The following ERC1 variants were observed in gnomAD, a reference collection of about 807,000 sequenced individuals.
ERC1 encodes the protein RAB6 interacting protein 2.
A neutral mutation model predicts 132.0 loss-of-function variants in ERC1; 56 were observed. The observed-to-expected ratio is 0.42, with a 90% confidence interval of 0.34 to 0.53. The LOEUF is 0.53. ERC1 is among the 20% of genes least tolerant of loss of function. ERC1 has a pLI of 0.03. For synonymous variants in ERC1, 478 were observed against 476.1 expected (o/e 1.00, Z -0.05); for missense variants, 1,202 against 1,349.9 (o/e 0.89, Z 1.72).
chr12:1,309,941 G>C (rs778050782), intron 15 of ERC1, among the ~76,000 whole-genome samples: 1 of 148,732 alleles, frequency 6.7e-6, no homozygotes, highest in Non-Finnish European at 1.5e-5. Flanking sequence ...CTTTTGTTTT[G>C]TTTTGTTTTG....
chr12:1,045,487 T>C (rs999669855), intron 2 of ERC1, among the ~76,000 whole-genome samples: 3 of 152,140 alleles, frequency 2.0e-5, no homozygotes, highest in Non-Finnish European at 4.4e-5. Context: ...TAGATGCTAG[T>C]AATTATTATA....
intron 3 of ERC1, among the ~76,000 whole-genome samples, chr12:1,094,637 C>G (rs1013501417): frequency 6.6e-6 from 1 of 152,120 alleles, no homozygotes; most frequent in East Asian, 1.9e-4. Context: ...TCTCGAACTC[C>G]TGACCTCAAG....
intron 15 of ERC1, among the ~76,000 whole-genome samples, chr12:1,299,829 C>T (rs994958168): frequency 1.3e-5 from 2 of 151,870 alleles, no homozygotes; most frequent in Admixed American, 6.6e-5. Flanking sequence ...TCTAAAGACA[C>T]GTAAAAAGAT....
intron 17 of ERC1, among the ~76,000 whole-genome samples, chr12:1,437,714 C>T (rs933049653): frequency 1.3e-5 from 2 of 152,168 alleles, no homozygotes; most frequent in Non-Finnish European, 2.9e-5. Context: ...GCTTTGAGGA[C>T]ATAATGTTTT....
At chr12:1,391,923 C>T (rs1473262173) in intron 16 of ERC1, among the ~76,000 whole-genome samples, 1 of 152,204 alleles carries the variant, frequency 6.6e-6, no homozygotes, top group African/African-American at 2.4e-5. Context: ...CTGCAGGTCA[C>T]AGCACTCCTG....
intron 18 of ERC1, among the ~76,000 whole-genome samples, chr12:1,453,550 AG>A (rs2093469175): frequency 6.6e-6 from 1 of 152,226 alleles, no homozygotes; most frequent in Non-Finnish European, 1.5e-5. Flanking sequence ...GATTGAAGAA[AG>A]CAATCTTAAA....
chr12:1,247,254 AGAAAGGACATTGGTGGAAAAACAAT>A lies in ERC1; in HGVS notation c.2487+10381_2487+10405del, dbSNP rs754062062. Among the ~76,000 whole-genome samples, 406 of 152,334 alleles carry A rather than the reference AGAAAGGACATTGGTGGAAAAACAAT, an allele frequency of 2.7e-3. 1 individual carries two copies. Among genetic ancestry groups the A allele is most frequent in the Middle Eastern group, 3.4e-3 (1 of 294 alleles). The stretch of plus-strand genomic sequence containing the variant: ...AAAAAAAGAAAAAAAAAATCCGGAA[AGAAAGGACATTGGTGGAAAAACAAT>A]GAAAGGACATTGGTGGAAAAACAAT... On this transcript the variant is annotated intron_variant, in intron 13 of 18. Transcript: ENST00000360905.
At chr12:1,129,901 T>C (rs1948592748) in intron 7 of ERC1, among the ~76,000 whole-genome samples, 1 of 151,942 alleles carries the variant, frequency 6.6e-6, no homozygotes, top group Admixed American at 6.6e-5. Flanking sequence ...ATCAATATAA[T>C]AGTATGGCAT....
chr12:1,067,186 A>T (rs1296499196), intron 2 of ERC1, among the ~76,000 whole-genome samples: 1 of 152,206 alleles, frequency 6.6e-6, no homozygotes, highest in Non-Finnish European at 1.5e-5. Context: ...TTTAATGAAA[A>T]AAGATTGGCA....
At chr12:1,091,186 G>T (rs1021478446) in intron 3 of ERC1, among the ~76,000 whole-genome samples, 6 of 152,130 alleles carry the variant, frequency 3.9e-5, no homozygotes, top group East Asian at 1.9e-4. Flanking sequence ...ACTGCACCCA[G>T]CCCCATTTTT....
intron 2 of ERC1, among the ~76,000 whole-genome samples, chr12:1,082,950 T>C (rs890929250): frequency 6.6e-6 from 1 of 152,228 alleles, no homozygotes; most frequent in African/African-American, 2.4e-5. Flanking sequence ...GCCATACTTA[T>C]TTTGCTTCCT....
chr12:1,220,740 A>G (rs1958899412), intron 12 of ERC1, among the ~76,000 whole-genome samples: 1 of 152,210 alleles, frequency 6.6e-6, no homozygotes, highest in African/African-American at 2.4e-5. Flanking sequence ...CAGATTTTAC[A>G]TGATTCACAA....
intron 15 of ERC1, among the ~76,000 whole-genome samples, chr12:1,339,038 C>G (rs576803234): frequency 3.9e-5 from 6 of 152,372 alleles, no homozygotes; most frequent in African/African-American, 1.4e-4. Flanking sequence ...ATGCCAGCAA[C>G]AGCAGCAGCG....
At chr12:1,393,141 G>A (rs1044548379) in intron 16 of ERC1, among the ~76,000 whole-genome samples, 1 of 152,154 alleles carries the variant, frequency 6.6e-6, no homozygotes, top group Non-Finnish European at 1.5e-5. Context: ...TGTATAGTTG[G>A]TTTATGTTTT....
At chr12:1,029,016 C>T (rs997836805) in intron 2 of ERC1, among the ~76,000 whole-genome samples, 2 of 152,076 alleles carry the variant, frequency 1.3e-5, no homozygotes, top group Admixed American at 6.6e-5. Context: ...ATGACTATCA[C>T]AGGATAAGTC....
chr12:1,457,322 TAAAAC>T (rs1367163257), intron 18 of ERC1, among the ~76,000 whole-genome samples: 3 of 152,102 alleles, frequency 2.0e-5, no homozygotes, highest in African/African-American at 7.2e-5. Context: ...CCCACGATAT[TAAAAC>T]AGAAACAGAA....
chr12:1,189,223 T>C (rs1260585205), intron 11 of ERC1, among the ~76,000 whole-genome samples: 3 of 152,162 alleles, frequency 2.0e-5, no homozygotes, highest in Admixed American at 6.5e-5. Context: ...TTAAGTGTGG[T>C]TCTCGATTTC....
chr12:1,239,551 C>T (rs1358463429), intron 13 of ERC1, among the ~76,000 whole-genome samples: 1 of 152,062 alleles, frequency 6.6e-6, no homozygotes, highest in Non-Finnish European at 1.5e-5. Flanking sequence ...GACCCTGCCT[C>T]TAAAAAAATT....
chr12:994,066 C>CAAAAAAAAAAAAA (rs72073964), intron 1 of ERC1, among the ~76,000 whole-genome samples: 37 of 64,262 alleles, frequency 5.8e-4, no homozygotes, highest in African/African-American at 1.2e-3. Context: ...AACTCCGTCT[C>CAAAAAAAAAAAAA]AAAAAAAAAA....
Sources: allele counts gnomAD v4.1 joint callset (sites outside exome capture counted in the v4.1 genomes callset), GRCh38; gene constraint gnomAD v4.1.1; transcripts MANE v1.5; gene names NCBI Gene and HGNC (gene_info 2026-07-23, HGNC 2026-07-21).